The following SPIDR variants were observed in gnomAD, a reference collection of about 807,000 sequenced individuals.
SPIDR encodes DNA repair-scaffolding protein.
Under a neutral mutation model 104.6 loss-of-function variants are expected in SPIDR, and 93 were observed. That is an observed-to-expected ratio of 0.89 (90% CI 0.75 to 1.06). The LOEUF is 1.06. SPIDR is among the 50% of genes least tolerant of loss of function. SPIDR has a pLI of 0.00. For missense variants in SPIDR, 1,154 were observed against 1,111.2 expected (o/e 1.04, Z -0.55); for synonymous variants, 431 against 416.9 (o/e 1.03, Z -0.41).
intron 8 of SPIDR, among the ~76,000 whole-genome samples, chr8:47,501,359 A>G (rs1158054658): frequency 1.3e-5 from 2 of 152,196 alleles, no homozygotes; most frequent in Non-Finnish European, 2.9e-5. Context: ...GGTCCTTCAC[A>G]TCCCTTGTAA....
chr8:47,521,295 C>G (rs2084038106), intron 8 of SPIDR, among the ~76,000 whole-genome samples: 1 of 152,156 alleles, frequency 6.6e-6, no homozygotes, highest in Non-Finnish European at 1.5e-5. Context: ...TTCCTTACTG[C>G]TTTCTCCTTA....
chr8:47,556,712 A>G lies in SPIDR; in HGVS notation c.1098-39099A>G, dbSNP rs1167152827. 2.0e-5 allele frequency among the ~76,000 whole-genome samples: 3 copies of G among 151,902 alleles called. No homozygotes were observed. In the East Asian group the frequency reaches 5.8e-4, roughly 29 times the overall value. ...ACTCCTGGGCTGATGTGATCCTTCC[A>G]CCTCAGCCTCCTGAGTAGCTGGGAC... On this transcript the variant is annotated intron_variant, in intron 8 of 19. Transcript: ENST00000297423.
At chr8:47,616,707 C>T (rs1214407938) in intron 10 of SPIDR, among the ~76,000 whole-genome samples, 1 of 152,216 alleles carries the variant, frequency 6.6e-6, no homozygotes, top group Non-Finnish European at 1.5e-5. Flanking sequence ...TAATACAGAG[C>T]ATTCCCAAAT....
intron 5 of SPIDR, among the ~76,000 whole-genome samples, chr8:47,328,494 C>G (rs2048087180): frequency 6.6e-6 from 1 of 151,798 alleles, no homozygotes; most frequent in Non-Finnish European, 1.5e-5. Context: ...TCAAGTGATC[C>G]TCCCACCTAA....
In SPIDR at chr8:47,466,918, TAGATAG is replaced by T. The variant is rs1564054513; in HGVS notation, c.1097+26378_1097+26383del. Reference sequence around the variant, plus strand: ...AAAAAAAAATATATATATATATAGATAGATAGATAGATAGATAGATAGATAGATAGA... The same window carrying T: ...AAAAAAAAATATATATATATATAGATATAGATAGATAGATAGATAGATAGA... On this transcript the variant is annotated intron_variant, in intron 8 of 19. Transcript: ENST00000297423. 1.4e-3 allele frequency among the ~76,000 whole-genome samples: 176 copies of T among 123,720 alleles called. 5 individuals are homozygous for T. Among genetic ancestry groups the T allele is most frequent in the South Asian group, 3.7e-3 (15 of 4,086 alleles). 81.2% of individuals were successfully genotyped at this position (123,720 alleles called of 152,430 possible). A position where few individuals can be genotyped will look rare whatever the true frequency, so the allele number is the denominator to read the frequency against.
intron 8 of SPIDR, among the ~76,000 whole-genome samples, chr8:47,457,914 T>C (rs1416559047): frequency 6.6e-6 from 1 of 152,140 alleles, no homozygotes; most frequent in Non-Finnish European, 1.5e-5. Flanking sequence ...AGTATTTGGG[T>C]TTATTTCTGG....
chr8:47,412,242 G>T (rs1404016215), intron 7 of SPIDR, among the ~76,000 whole-genome samples: 3 of 152,102 alleles, frequency 2.0e-5, no homozygotes, highest in Non-Finnish European at 4.4e-5. Flanking sequence ...AAATTACCTT[G>T]GACAGTATGG....
At chr8:47,351,816 A>G (rs1436933101) in intron 5 of SPIDR, among the ~76,000 whole-genome samples, 1 of 152,224 alleles carries the variant, frequency 6.6e-6, no homozygotes, top group Non-Finnish European at 1.5e-5. Context: ...ATAATGTTAT[A>G]TTCAAATACT....
chr8:47,486,415 C>T (rs1411533842), intron 8 of SPIDR, among the ~76,000 whole-genome samples: 1 of 152,150 alleles, frequency 6.6e-6, no homozygotes, highest in Admixed American at 6.6e-5. Flanking sequence ...TGGAACCAAC[C>T]TGGAAAACAC....
intron 1 of SPIDR, among the ~76,000 whole-genome samples, chr8:47,264,857 A>G (rs1554545392): frequency 1.3e-5 from 2 of 152,214 alleles, no homozygotes; most frequent in Admixed American, 1.3e-4. Flanking sequence ...TATACCGAGC[A>G]TATAAACACT....
intron 16 of SPIDR, among the ~76,000 whole-genome samples, chr8:47,718,261 C>T (rs2082859773): frequency 6.6e-6 from 1 of 152,236 alleles, no homozygotes; most frequent in Non-Finnish European, 1.5e-5. Flanking sequence ...ACACATTTGT[C>T]CTTTGCTCAT....
At chr8:47,436,697 G>A (rs11774001) in intron 7 of SPIDR, among the ~76,000 whole-genome samples, 75,703 of 152,040 alleles carry the variant, frequency 0.5, 22,442 homozygotes, top group Non-Finnish European at 0.66. Context: ...TTGTACTCCC[G>A]CCTGGGCGAC....
At chr8:47,350,670 C>T (rs2053321475) in intron 5 of SPIDR, among the ~76,000 whole-genome samples, 1 of 152,202 alleles carries the variant, frequency 6.6e-6, no homozygotes, top group Non-Finnish European at 1.5e-5. Flanking sequence ...TATTTTGCGA[C>T]CATATCTAAC....
chr8:47,416,120 T>A (rs1206015700), intron 7 of SPIDR, among the ~76,000 whole-genome samples: 1 of 152,186 alleles, frequency 6.6e-6, no homozygotes, highest in African/African-American at 2.4e-5. Context: ...GGCAGGCGCC[T>A]GTAATCTCAG....
At chr8:47,340,072 G>A (rs904943614) in intron 5 of SPIDR, among the ~76,000 whole-genome samples, 82 of 152,112 alleles carry the variant, frequency 5.4e-4, no homozygotes, top group African/African-American at 1.8e-3. Flanking sequence ...TAATTTTGTG[G>A]GGCTTTTCCA....
At chr8:47,273,781 A>G (rs2035815225) in intron 1 of SPIDR, among the ~76,000 whole-genome samples, 1 of 152,108 alleles carries the variant, frequency 6.6e-6, no homozygotes, top group Admixed American at 6.6e-5. Context: ...TTTTGTAGAA[A>G]TGAGGTCTTG....
chr8:47,611,436 C>T (rs1448476267), intron 10 of SPIDR, among the ~76,000 whole-genome samples: 1 of 152,154 alleles, frequency 6.6e-6, no homozygotes, highest in Admixed American at 6.5e-5. Context: ...CGGTGTCTCA[C>T]GCCTGTAATC....
At chr8:47,561,956 A>G (rs562051998) in intron 8 of SPIDR, among the ~76,000 whole-genome samples, 16 of 152,362 alleles carry the variant, frequency 1.1e-4, no homozygotes, top group African/African-American at 3.6e-4. Context: ...TGAGGGAATT[A>G]CACAAGTGTT....
At chr8:47,393,895 C>T (rs1042382041) in intron 5 of SPIDR, among the ~76,000 whole-genome samples, 5 of 150,988 alleles carry the variant, frequency 3.3e-5, no homozygotes, top group Admixed American at 2.0e-4. Flanking sequence ...TCCTGTCTTT[C>T]GTCCTCCCCT....
Sources: allele counts gnomAD v4.1 joint callset (sites outside exome capture counted in the v4.1 genomes callset), GRCh38; gene constraint gnomAD v4.1.1; transcripts MANE v1.5; gene names NCBI Gene and HGNC (gene_info 2026-07-23, HGNC 2026-07-21).